Variants in SIPA1L3 observed in about 807,000 individuals in gnomAD.
SIPA1L3 encodes signal-induced proliferation-associated 1-like protein 3.
Under a neutral mutation model 150.1 loss-of-function variants are expected in SIPA1L3, and 59 were observed. The observed-to-expected ratio is 0.39, with a 90% confidence interval of 0.32 to 0.49. The LOEUF (loss-of-function observed/expected upper bound fraction) is 0.49. Among genes scored for constraint, SIPA1L3 ranks in the 20% least tolerant of loss-of-function variants. The pLI, the probability that SIPA1L3 is intolerant of heterozygous loss-of-function variation, is 0.86. For missense variants in SIPA1L3, 2,211 were observed against 2,489.5 expected (o/e 0.89, Z 2.38); for synonymous variants, 1,070 against 1,077.6 (o/e 0.99, Z 0.14).
chr19:37,994,671 T>C (rs1967589900), intron 1 of SIPA1L3, among the ~76,000 whole-genome samples: 1 of 152,204 alleles, frequency 6.6e-6, no homozygotes, highest in Non-Finnish European at 1.5e-5. Flanking sequence ...AGCTGTGGAA[T>C]GGCCTTGAGC....
intron 12 of SIPA1L3, among the ~76,000 whole-genome samples, chr19:38,143,542 CTTTTTT>C (rs10669806): frequency 1.3e-5 from 1 of 79,978 alleles, no homozygotes. Flanking sequence ...CTTTCTGTGT[CTTTTTT>C]TTTTTTTTTT....
chr19:38,137,547 C>T (rs573389932), intron 10 of SIPA1L3, among the ~76,000 whole-genome samples: 45 of 151,962 alleles, frequency 3.0e-4, no homozygotes, highest in African/African-American at 1.0e-3. Flanking sequence ...GTGATCCTCT[C>T]GTCTGTTCCT....
Position 38,141,262 on chromosome 19 carries a change from C to T in SIPA1L3, c.3222C>T (p.Pro1074=), listed in dbSNP as rs750430916. 3 of 1,613,832 alleles carry T rather than the reference C, an allele frequency of 1.9e-6. No homozygotes were observed. The South Asian group carries it at 3.3e-5, about 18-fold the overall frequency. Residue 1074 remains proline, a synonymous_variant, in exon 11 of 22, where the codon CCC becomes CCT. Transcript: ENST00000222345. ...EQESITPGGR[P]PYRSNAPWQW... ...AAAGCATCACTCCTGGGGGCCGGCC[C>T]CCCTACCGCAGCAATGCTCCCTGGC...
At chr19:37,988,852 C>A (rs74559207) in intron 1 of SIPA1L3, among the ~76,000 whole-genome samples, 3,426 of 152,216 alleles carry the variant, frequency 0.023, 132 homozygotes, top group African/African-American at 0.079. Context: ...CAGGCACGTT[C>A]GCTCTCCAGG....
At chr19:38,129,624 C>T (rs1025329441) in intron 9 of SIPA1L3, among the ~76,000 whole-genome samples, 11 of 96,316 alleles carry the variant, frequency 1.1e-4, no homozygotes, top group Admixed American at 2.1e-4. Flanking sequence ...GACTCTGTCT[C>T]AAAAAAAAAA....
chr19:38,029,597 T>C (rs1968599110), intron 2 of SIPA1L3, among the ~76,000 whole-genome samples: 1 of 152,188 alleles, frequency 6.6e-6, no homozygotes, highest in African/African-American at 2.4e-5. Flanking sequence ...TTTTGGTATA[T>C]AGTTCTTTGT....
intron 1 of SIPA1L3, among the ~76,000 whole-genome samples, chr19:37,984,362 G>A (rs548319519): frequency 6.6e-6 from 1 of 152,300 alleles, no homozygotes; most frequent in South Asian, 2.1e-4. Context: ...AAAGCTAGAA[G>A]GAGTGGTGGG....
At chr19:37,978,294 G>A (rs560028339) in intron 1 of SIPA1L3, among the ~76,000 whole-genome samples, 1 of 152,308 alleles carries the variant, frequency 6.6e-6, no homozygotes, top group South Asian at 2.1e-4. Context: ...GGGACTGGGC[G>A]GGCTCTCTAG....
At chr19:37,967,493 C>T (rs1203477408) in intron 1 of SIPA1L3, among the ~76,000 whole-genome samples, 1 of 152,084 alleles carries the variant, frequency 6.6e-6, no homozygotes, top group African/African-American at 2.4e-5. Context: ...ACCTCATGAT[C>T]CACCTGCCTT....
intron 1 of SIPA1L3, among the ~76,000 whole-genome samples, chr19:37,927,654 GGTGTGTGTGTGTGTGT>G (rs57987208): frequency 3.7e-5 from 5 of 136,738 alleles, no homozygotes; most frequent in African/African-American, 1.1e-4. Context: ...AAGAACATGG[GGTGTGTGTGTGTGTGT>G]GTGTGTGTGT....
At chr19:37,934,603 T>G (rs2046584003) in intron 1 of SIPA1L3, among the ~76,000 whole-genome samples, 1 of 152,206 alleles carries the variant, frequency 6.6e-6, no homozygotes, top group Non-Finnish European at 1.5e-5. Context: ...AAGACAATTC[T>G]TTTTAAGAAT....
chr19:37,920,938 AT>A (rs2046452651), intron 1 of SIPA1L3, among the ~76,000 whole-genome samples: 1 of 152,034 alleles, frequency 6.6e-6, no homozygotes, highest in Non-Finnish European at 1.5e-5. Flanking sequence ...CCCCTCCCAC[AT>A]TTTTTCCAAG....
At chr19:37,911,545 A>G (rs992805592) in intron 1 of SIPA1L3, among the ~76,000 whole-genome samples, 28 of 145,456 alleles carry the variant, frequency 1.9e-4, no homozygotes, top group East Asian at 8.2e-4. Context: ...GTCTTGCTCT[A>G]TCGCCCAGGC....
intron 1 of SIPA1L3, among the ~76,000 whole-genome samples, chr19:37,981,161 A>C (rs915805515): frequency 2.6e-5 from 4 of 152,178 alleles, no homozygotes; most frequent in Non-Finnish European, 5.9e-5. Flanking sequence ...GATTCTGTGA[A>C]GTGCCTTATG....
rs1970039629 is a variant in SIPA1L3, at chr19:38,082,920, C to G, written c.1355C>G (p.Pro452Arg). ...VSFSRASVGS[P>R]SSGEGHLAEP... ...TTCTCCCGGGCTTCCGTGGGCTCCC[C>G]GAGCAGCGGCGAGGGCCACCTGGCA... Residue 452 changes from proline (P) to arginine (R), a missense_variant, in exon 3 of 22, where the codon CCG becomes CGG. Transcript: ENST00000222345. The G allele has an allele frequency of 1.2e-6, 2 of 1,613,050 alleles. No homozygotes were observed. Among genetic ancestry groups the G allele is most frequent in the Non-Finnish European group, 1.7e-6 (2 of 1,179,884 alleles).
intron 2 of SIPA1L3, among the ~76,000 whole-genome samples, chr19:38,078,217 C>G (rs1321209569): frequency 2.0e-5 from 3 of 152,146 alleles, no homozygotes; most frequent in African/African-American, 7.2e-5. Flanking sequence ...CCGGCAACAT[C>G]TTCAGGATCG....
chr19:37,928,097 C>T (rs77584041), intron 1 of SIPA1L3, among the ~76,000 whole-genome samples: 2 of 152,076 alleles, frequency 1.3e-5, no homozygotes, highest in Admixed American at 1.3e-4. Flanking sequence ...ATTGCTGGGT[C>T]GAACGGTAAT....
intron 15 of SIPA1L3, among the ~76,000 whole-genome samples, chr19:38,178,480 T>C (rs1972491138): frequency 6.6e-6 from 1 of 151,866 alleles, no homozygotes; most frequent in Non-Finnish European, 1.5e-5. Flanking sequence ...GCCAAATGTC[T>C]TGTTTTTGTT....
intron 1 of SIPA1L3, among the ~76,000 whole-genome samples, chr19:37,960,485 G>A (rs1201628648): frequency 6.7e-6 from 1 of 150,304 alleles, no homozygotes; most frequent in East Asian, 2.0e-4. Context: ...CTCACTGCAA[G>A]CTCCGCCTGC....
Sources: gnomAD v4.1 joint callset for allele counts (sites outside exome capture counted in the v4.1 genomes callset) on GRCh38, gnomAD v4.1.1 for gene constraint, MANE v1.5 for transcripts, NCBI Gene and HGNC (gene_info 2026-07-23, HGNC 2026-07-21) for gene names.